HIPK2: variants seen among roughly 807,000 people sequenced by gnomAD.
The protein encoded by HIPK2 is homeodomain interacting protein kinase 2, also known as homeodomain-interacting protein kinase 2.
HIPK2 carries 27 observed loss-of-function variants against 113.7 expected under a neutral mutation model. The ratio of observed to expected loss-of-function variants is 0.24; its 90% CI spans 0.17 to 0.33. HIPK2 has a LOEUF of 0.33. Among genes scored for constraint, HIPK2 ranks in the 10% least tolerant of loss-of-function variants. HIPK2 has a pLI of 1.00. For missense variants in HIPK2, 1,257 were observed against 1,588.0 expected (o/e 0.79, Z 3.54); for synonymous variants, 631 against 642.2 (o/e 0.98, Z 0.26).
At chr7:139,677,715 T>C (rs1048094414) in intron 2 of HIPK2, among the ~76,000 whole-genome samples, 1 of 152,254 alleles carries the variant, frequency 6.6e-6, no homozygotes, top group East Asian at 1.9e-4. Flanking sequence ...CCTAATGCTA[T>C]CCCTCCCCTA....
intron 2 of HIPK2, among the ~76,000 whole-genome samples, chr7:139,692,058 A>G (rs1031714803): frequency 2.0e-5 from 3 of 152,232 alleles, no homozygotes; most frequent in East Asian, 3.8e-4. Context: ...CAGGTTTTTG[A>G]TATAACATTA....
intron 1 of HIPK2, among the ~76,000 whole-genome samples, chr7:139,755,031 CG>C (rs1407303078): frequency 1.3e-5 from 2 of 152,144 alleles, no homozygotes; most frequent in African/African-American, 4.8e-5. Flanking sequence ...TCAGGGAAGA[CG>C]GCCTCACTTC....
chr7:139,687,536 G>A (rs184024665), intron 2 of HIPK2, among the ~76,000 whole-genome samples: 16 of 152,264 alleles, frequency 1.1e-4, no homozygotes, highest in African/African-American at 3.4e-4. Flanking sequence ...GTAAATACAG[G>A]ATATTTAATG....
intron 2 of HIPK2, among the ~76,000 whole-genome samples, chr7:139,659,735 G>A (rs912865340): frequency 5.8e-5 from 8 of 138,060 alleles, no homozygotes; most frequent in African/African-American, 1.6e-4. Flanking sequence ...ACTTCTGGCT[G>A]GCTAGAGCTG....
At chr7:139,723,138 A>C (rs542689977) in intron 1 of HIPK2, among the ~76,000 whole-genome samples, 4 of 151,764 alleles carry the variant, frequency 2.6e-5, no homozygotes, top group African/African-American at 9.7e-5. Context: ...AATATCTAAA[A>C]ATCTTCATGA....
intron 2 of HIPK2, among the ~76,000 whole-genome samples, chr7:139,644,204 A>G (rs575188886): frequency 4.6e-5 from 7 of 152,232 alleles, no homozygotes; most frequent in Non-Finnish European, 1.0e-4. Flanking sequence ...TATATATACA[A>G]AGAAGTATAC....
intron 1 of HIPK2, among the ~76,000 whole-genome samples, chr7:139,761,660 C>T (rs968669499): frequency 2.0e-4 from 30 of 152,110 alleles, no homozygotes; most frequent in African/African-American, 7.2e-4. Flanking sequence ...GATTAAGAGA[C>T]TAAAAGGAAG....
In HIPK2 at chr7:139,575,206, G is replaced by T; in HGVS notation, c.3048C>A (p.Ser1016Arg). Residue 1016 changes from serine to arginine, a missense_variant, in exon 14 of 15, where the codon AGC (serine) becomes AGA (arginine). By Grantham distance (110) the Ser-to-Arg change is moderately radical. Coordinates refer to ENST00000406875, the MANE Select transcript of HIPK2 (RefSeq NM_022740.5). ...GCCGGTAGGTGATGGCTCCAGATGA[G>T]CTCCCTGAAGAGTGACCGCTGGTGG... ...VTSTSGHSSG[S>R]SSGAITYRQQ... The T allele has an allele frequency of 6.3e-7, 1 of 1,586,580 alleles. No homozygotes were observed. The highest frequency in any genetic ancestry group is 8.6e-7 in the Non-Finnish European group (1 of 1,166,654).
intron 11 of HIPK2, among the ~76,000 whole-genome samples, chr7:139,599,810 A>G (rs375057205): frequency 1.6e-4 from 24 of 152,350 alleles, no homozygotes; most frequent in African/African-American, 5.3e-4. Context: ...GTGACAAAAG[A>G]TAATTTGCTT....
intron 2 of HIPK2, among the ~76,000 whole-genome samples, chr7:139,667,979 T>C (rs1339985158): frequency 2.6e-5 from 4 of 151,312 alleles, no homozygotes; most frequent in South Asian, 2.1e-4. Flanking sequence ...AATACAAAAA[T>C]TAGCCGGGTG....
intron 14 of HIPK2, 77 bp from the exon 15 acceptor site, chr7:139,573,474 G>T: frequency 7.5e-7 from 1 of 1,334,944 alleles, no homozygotes; most frequent in Non-Finnish European, 1.0e-6. Context: ...GGGCAGGAGG[G>T]CAGGGAGGAG....
chr7:139,604,761 T>C (rs948951030), intron 9 of HIPK2, among the ~76,000 whole-genome samples: 3 of 151,060 alleles, frequency 2.0e-5, no homozygotes, highest in Non-Finnish European at 2.9e-5. Context: ...CACAGCTGTA[T>C]GGAAGGGATT....
intron 1 of HIPK2, among the ~76,000 whole-genome samples, chr7:139,738,324 C>T (rs1030231524): frequency 2.0e-5 from 3 of 152,248 alleles, no homozygotes; most frequent in Non-Finnish European, 4.4e-5. Flanking sequence ...GGGGGTAACG[C>T]GGAGCTGTCC....
chr7:139,725,871 T>C (rs1463120435), intron 1 of HIPK2, among the ~76,000 whole-genome samples: 1 of 152,252 alleles, frequency 6.6e-6, no homozygotes, highest in Non-Finnish European at 1.5e-5. Flanking sequence ...GAGGTCTGCC[T>C]GACTCCCAAA....
At chr7:139,649,171 C>T (rs1241830637) in intron 2 of HIPK2, among the ~76,000 whole-genome samples, 1 of 152,168 alleles carries the variant, frequency 6.6e-6, no homozygotes, top group Non-Finnish European at 1.5e-5. Flanking sequence ...CTCCCACAGA[C>T]TGGACACCAC....
At position 139,631,459 on chromosome 7, in the gene HIPK2, A is replaced by G; in HGVS notation, c.1227+143T>C. On this transcript the variant is annotated intron_variant, in intron 3 of 14. Coordinates refer to ENST00000406875, the MANE Select transcript of HIPK2 (RefSeq NM_022740.5). This position sits in a 1 kb window ranked among gnomAD's most constrained non-coding sequence, Gnocchi z 4.9. The stretch of plus-strand genomic sequence containing the variant: ...GAGAAAGGAATAAAGAAAAAATAGC[A>G]AGGTTAAGGGAAGCAAGGTTTGGGA... 1 of 1,425,266 alleles carries G rather than the reference A, an allele frequency of 7.0e-7. No homozygotes were observed. The highest frequency in any genetic ancestry group is 9.3e-7 in the Non-Finnish European group (1 of 1,074,046). The allele number at this position is 1,425,266 out of a possible 1,614,324, so 88.3% of individuals were successfully genotyped here.
chr7:139,725,660 TTC>T (rs751824351), intron 1 of HIPK2, among the ~76,000 whole-genome samples: 17 of 152,222 alleles, frequency 1.1e-4, no homozygotes, highest in Non-Finnish European at 2.1e-4. Context: ...TCCTTTCGCC[TTC>T]TCTCTCACTG....
chr7:139,604,068 G>T lies in HIPK2; in HGVS notation c.2255+13C>A, dbSNP rs756172989. 6.2e-6 allele frequency: 10 copies of T among 1,613,592 alleles called. No homozygotes were observed. The highest frequency in any genetic ancestry group is 2.7e-5 in the African/African-American group (2 of 74,896). ...AGACACACCCACTCACCCTAGAGGG[G>T]TTTCCTGCTTACCTCCAGTCCGCCA... On this transcript the variant is annotated intron_variant, in intron 10 of 14. Transcript: ENST00000406875.
intron 12 of HIPK2, among the ~76,000 whole-genome samples, chr7:139,588,603 G>C (rs1304053579): frequency 1.3e-5 from 2 of 152,008 alleles, no homozygotes; most frequent in Non-Finnish European, 2.9e-5. Flanking sequence ...GCAAAAAAAG[G>C]AAGTGGGACT....
Sources: gnomAD v4.1 joint callset for allele counts (sites outside exome capture counted in the v4.1 genomes callset) on GRCh38, gnomAD v4.1.1 for gene constraint, Gnocchi (gnomAD v3.1) non-coding constraint, MANE v1.5 for transcripts, NCBI Gene and HGNC (gene_info 2026-07-23, HGNC 2026-07-21) for gene names.